EHF: variants seen among roughly 807,000 people sequenced by gnomAD.
EHF encodes the protein ETS homologous factor, also known as ESE3 transcription factor.
A neutral mutation model predicts 45.1 loss-of-function variants in EHF; 14 were observed. The ratio of observed to expected loss-of-function variants is 0.31; its 90% CI spans 0.21 to 0.49. The LOEUF (loss-of-function observed/expected upper bound fraction) is 0.49, where lower values mean the gene tolerates loss of function less well. Ranked by LOEUF, EHF falls within the 20% of genes least tolerant of loss-of-function variation. EHF has a pLI of 0.99. For synonymous variants in EHF, 136 were observed against 131.8 expected, an observed-to-expected ratio of 1.03 and a Z score of -0.22; for missense variants, 282 against 371.4, an observed-to-expected ratio of 0.76 and a Z score of 1.98.
At chr11:34,658,318 G>A (rs527524449) in intron 7 of EHF, among the ~76,000 whole-genome samples, 130 of 152,118 alleles carry the variant, frequency 8.5e-4, no homozygotes, top group African/African-American at 2.9e-3. Flanking sequence ...TCTGTGCCTC[G>A]GTTTCCTGAT....
chr11:34,625,126 C>T (rs1320986480), intron 1 of EHF, among the ~76,000 whole-genome samples: 3 of 152,128 alleles, frequency 2.0e-5, no homozygotes, highest in Non-Finnish European at 4.4e-5. Context: ...GAAAGATTAG[C>T]AAGAGCCCTT....
At chr11:34,627,060 G>A (rs1457905822) in intron 1 of EHF, among the ~76,000 whole-genome samples, 2 of 152,010 alleles carry the variant, frequency 1.3e-5, no homozygotes, top group African/African-American at 4.8e-5. Context: ...GGTGTTTTCA[G>A]TGAGTTTCTG....
At position 34,661,722 on chromosome 11, in the gene EHF, T is replaced by A. The variant is rs1856096636; in HGVS notation, c.*2791T>A. On this transcript the variant is annotated 3_prime_UTR_variant, in exon 9 of 9. Transcript: ENST00000257831. ...CAGTGTTGAAAGGGAGAGCAAAGTCTTATGGATAAACCCTCCTTTCTTTTG... is the reference window on the plus strand; with the variant it reads ...CAGTGTTGAAAGGGAGAGCAAAGTCATATGGATAAACCCTCCTTTCTTTTG... Among the ~76,000 whole-genome samples the A allele has an allele frequency of 6.6e-6, 1 of 152,156 alleles. No homozygotes were observed. The highest frequency in any genetic ancestry group is 6.6e-5 in the Admixed American group (1 of 15,250).
At position 34,646,670 on chromosome 11, in the gene EHF, A is replaced by T. The variant is rs144427844; in HGVS notation, c.329A>T (p.His110Leu). The T allele has an allele frequency of 2.5e-6, 4 of 1,611,424 alleles. No homozygotes were observed. Among genetic ancestry groups the T allele is most frequent in the Non-Finnish European group, 3.4e-6 (4 of 1,179,982 alleles). The stretch of plus-strand genomic sequence containing the variant: ...CAGCTCCTCTACAGCAACTTGCAGC[A>T]TCTGAAGTGGAACGGTGACTCTCTC... ...AGQLLYSNLQHLKWNGQCSSD... is the reference protein window; with the variant it reads ...AGQLLYSNLQLLKWNGQCSSD... The change falls in exon 3 of 9, where the codon CAT (histidine) becomes CTT (leucine). Residue 110 changes from histidine (H) to leucine (L), a missense_variant. Physicochemically the swap from His to Leu is moderately conservative, Grantham distance 99. Coordinates refer to ENST00000257831, the MANE Select transcript of EHF (RefSeq NM_012153.6).
chr11:34,648,272 G>A (rs1207864813), intron 3 of EHF, among the ~76,000 whole-genome samples: 2 of 152,124 alleles, frequency 1.3e-5, no homozygotes, highest in African/African-American at 4.8e-5. Context: ...AGAGGTTAAA[G>A]GCATGGCTTC....
chr11:34,660,211 T>G lies in EHF; in HGVS notation c.*1280T>G, dbSNP rs1445805953. On this transcript the variant is annotated 3_prime_UTR_variant, in exon 9 of 9. Coordinates refer to ENST00000257831, the MANE Select transcript of EHF (RefSeq NM_012153.6). The stretch of plus-strand genomic sequence containing the variant: ...GAGCCAATGTCAGATAAAGTAAGCA[T>G]AGTAATGTAGCAGGAACTACAATAG... 6.6e-6 allele frequency: 1 copy of G among 152,102 alleles called. No individual in the cohort carries two copies. The highest frequency in any genetic ancestry group is 1.9e-4 in the East Asian group (1 of 5,200). The allele number at this position is 152,102 out of a possible 1,614,324, so 9.4% of individuals were successfully genotyped here.
rs1185066307 is a variant in EHF at position 34,646,556 on chromosome 11, G to A, written c.215G>A (p.Cys72Tyr). ...LLDTNQLDANCIPFQEFDING... is the reference protein window; with the variant it reads ...LLDTNQLDANYIPFQEFDING... ...GACACCAACCAGCTGGATGCCAATT[G>A]TATCCCTTTCCAAGAGTTCGACATC... Residue 72 changes from cysteine (C) to tyrosine (Y), a missense_variant, in exon 3 of 9, where the codon TGT becomes TAT. Cys to Tyr is a radical substitution (Grantham distance 194). Transcript: ENST00000257831. 1.9e-6 allele frequency: 3 copies of A among 1,613,856 alleles called. No individual in the cohort carries two copies. The highest frequency in any genetic ancestry group is 1.3e-5 in the African/African-American group (1 of 75,010).
At chr11:34,643,842 G>A (rs1272619462) in intron 2 of EHF, among the ~76,000 whole-genome samples, 2 of 152,208 alleles carry the variant, frequency 1.3e-5, no homozygotes, top group Non-Finnish European at 2.9e-5. Flanking sequence ...GATGAAGGCA[G>A]CATTTCTCCT....
Position 34,635,701 on chromosome 11 carries a change from CT to C in EHF, c.-3-6909del, listed in dbSNP as rs11381442. ...TTTTAGACATGCTGCTCTTCCTGGT[CT>C]TTTTTTTTTTTTTTTTTGCACCTCC... On this transcript the variant is annotated intron_variant, in intron 1 of 8. Coordinates refer to ENST00000257831, the MANE Select transcript of EHF (RefSeq NM_012153.6). Among the ~76,000 whole-genome samples the C allele has an allele frequency of 5.2e-3, 641 of 124,126 alleles. 2 individuals carry two copies. The highest frequency in any genetic ancestry group is 8.8e-3 in the South Asian group (34 of 3,854). 81.4% of individuals were successfully genotyped at this position (124,126 alleles called of 152,430 possible). A position where few individuals can be genotyped will look rare whatever the true frequency, so the allele number is the denominator to read the frequency against.
intron 1 of EHF, among the ~76,000 whole-genome samples, chr11:34,628,852 C>T (rs12286877): frequency 0.1 from 15,371 of 152,212 alleles, 1,824 homozygotes; most frequent in African/African-American, 0.28. Context: ...AGTGTGCAAC[C>T]TGTGCAGTTC....
chr11:34,657,041 T>C, intron 7 of EHF, 71 bp downstream of exon 7: 1 of 1,577,936 alleles, frequency 6.3e-7, no homozygotes. Context: ...GGCCACTAGT[T>C]TTTTGGCAAA....
chr11:34,648,370 T>G (rs1400999229), intron 3 of EHF, among the ~76,000 whole-genome samples: 3 of 150,786 alleles, frequency 2.0e-5, no homozygotes, highest in African/African-American at 7.4e-5. Flanking sequence ...TATATAAGCA[T>G]ACATATATAT....
At chr11:34,649,137 C>A in intron 4 of EHF, 56 bp downstream of exon 4, 1 of 1,584,256 alleles carries the variant, frequency 6.3e-7, no homozygotes, top group African/African-American at 1.3e-5. Context: ...CCGGGGAGGA[C>A]AGTTGGGAGA....
At position 34,646,704 on chromosome 11, in the gene EHF, T is replaced by C. The variant is rs756996742; in HGVS notation, c.343+20T>C. On this transcript the variant is annotated intron_variant, in intron 3 of 8. Coordinates refer to ENST00000257831, the MANE Select transcript of EHF (RefSeq NM_012153.6). ...GGAACGGTGACTCTCTCTTTCTGTG[T>C]CTCTCCCTACCCTGCTAGGAGCCAG... 6.2e-7 allele frequency: 1 copy of C among 1,604,352 alleles called. No homozygotes were observed. The highest frequency in any genetic ancestry group is 1.1e-5 in the South Asian group (1 of 91,060).
chr11:34,643,479 C>A, intron 2 of EHF, among the ~76,000 whole-genome samples: 1 of 152,220 alleles, frequency 6.6e-6, no homozygotes, highest in East Asian at 1.9e-4. Flanking sequence ...ACACCCACTG[C>A]TAATCTGCCT....
chr11:34,652,251 G>T (rs1324005708), intron 6 of EHF, among the ~76,000 whole-genome samples: 1 of 152,122 alleles, frequency 6.6e-6, no homozygotes, highest in Non-Finnish European at 1.5e-5. Flanking sequence ...TGGGTGAAGG[G>T]GTAGCCATTG....
chr11:34,658,976 T>TG lies in EHF; in HGVS notation c.*45_*46insG. 7 of 1,453,900 alleles carry TG rather than the reference T, an allele frequency of 4.8e-6. No individual in the cohort carries two copies. Among genetic ancestry groups the TG allele is most frequent in the Non-Finnish European group, 6.6e-6 (7 of 1,056,260 alleles). 90.1% of individuals were successfully genotyped at this position (1,453,900 alleles called of 1,614,324 possible). A position where few individuals can be genotyped will look rare whatever the true frequency, so the allele number is the denominator to read the frequency against. On this transcript the variant is annotated 3_prime_UTR_variant, in exon 9 of 9. Transcript: ENST00000257831. The stretch of plus-strand genomic sequence containing the variant: ...ACAAACCAAAACACACACCAAATAA[T>TG]CAGAAACAAAGAACTCCTGGACGTA...
intron 1 of EHF, chr11:34,622,465 T>G (rs1852050295): frequency 2.5e-6 from 3 of 1,211,888 alleles, no homozygotes. Flanking sequence ...CAATTAGAGA[T>G]TCTGTGTGAC....
intron 1 of EHF, among the ~76,000 whole-genome samples, chr11:34,635,701 C>CTTTTTT (rs11381442): frequency 1.6e-5 from 2 of 124,174 alleles, no homozygotes; most frequent in African/African-American, 3.1e-5. Flanking sequence ...TCTTCCTGGT[C>CTTTTTT]TTTTTTTTTT....
Sources: gnomAD v4.1 joint callset for allele counts (sites outside exome capture counted in the v4.1 genomes callset) on GRCh38, gnomAD v4.1.1 for gene constraint, MANE v1.5 for transcripts, NCBI Gene and HGNC (gene_info 2026-07-23, HGNC 2026-07-21) for gene names.